The following HYDIN variants were observed in gnomAD, a reference collection of about 807,000 sequenced individuals.
The protein encoded by HYDIN is HYDIN axonemal central pair apparatus protein, also known as axonemal central pair apparatus protein HYDIN.
HYDIN carries 132 observed loss-of-function variants against 403.9 expected under a neutral mutation model. The ratio of observed to expected loss-of-function variants is 0.33; its 90% CI spans 0.28 to 0.38. The LOEUF (loss-of-function observed/expected upper bound fraction) is 0.38. Ranked by LOEUF, HYDIN falls within the 10% of genes least tolerant of loss-of-function variation. The pLI is 1.00. For missense variants in HYDIN, 2,827 were observed against 5,009.5 expected (o/e 0.56, Z 13.15); for synonymous variants, 1,202 against 1,891.7 (o/e 0.64, Z 9.46).
At chr16:71,006,923 A>G (rs925760439) in intron 23 of HYDIN, among the ~76,000 whole-genome samples, 2 of 152,030 alleles carry the variant, frequency 1.3e-5, no homozygotes, top group African/African-American at 4.8e-5. Context: ...CATTCAGCTT[A>G]TAAACTCTTG....
At chr16:70,809,152 C>T (rs1184153141) in intron 85 of HYDIN, among the ~76,000 whole-genome samples, 1 of 152,168 alleles carries the variant, frequency 6.6e-6, no homozygotes, top group Non-Finnish European at 1.5e-5. Context: ...CTGGCTATAG[C>T]GATCTTCCCA....
At chr16:71,156,094 CA>C (rs2085754908) in intron 6 of HYDIN, among the ~76,000 whole-genome samples, 1 of 147,724 alleles carries the variant, frequency 6.8e-6, no homozygotes, top group South Asian at 2.2e-4. Flanking sequence ...TTCTTGGTAG[CA>C]AAAGAATAGT....
At chr16:71,046,562 G>T (rs1301249710) in intron 18 of HYDIN, among the ~76,000 whole-genome samples, 2 of 152,026 alleles carry the variant, frequency 1.3e-5, no homozygotes, top group African/African-American at 4.8e-5. Context: ...ATTAAAAGAA[G>T]ACATACTCCA....
chr16:71,051,850 A>G (rs2081661854), intron 18 of HYDIN, among the ~76,000 whole-genome samples: 1 of 152,204 alleles, frequency 6.6e-6, no homozygotes, highest in East Asian at 1.9e-4. Flanking sequence ...AGAATTAATG[A>G]AGAGATGTGT....
intron 23 of HYDIN, among the ~76,000 whole-genome samples, chr16:70,992,974 C>T (rs1397550133): frequency 6.6e-6 from 1 of 152,204 alleles, no homozygotes; most frequent in East Asian, 1.9e-4. Flanking sequence ...TGACCCTCCC[C>T]AACCTATCTC....
At chr16:70,982,014 G>C (rs1445042490) in intron 28 of HYDIN, among the ~76,000 whole-genome samples, 1 of 151,074 alleles carries the variant, frequency 6.6e-6, no homozygotes, top group Non-Finnish European at 1.5e-5. Context: ...TGTAGTCCCA[G>C]CTACTCGGGA....
chr16:70,985,534 A>G (rs2079166453), intron 27 of HYDIN, among the ~76,000 whole-genome samples: 1 of 152,172 alleles, frequency 6.6e-6, no homozygotes, highest in Non-Finnish European at 1.5e-5. Flanking sequence ...CAGTTTAGGT[A>G]TGGCTGTGGG....
chr16:70,833,160 G>C, intron 79 of HYDIN, 93 bp from the exon 80 acceptor site: 2 of 1,146,450 alleles, frequency 1.7e-6, no homozygotes, highest in Non-Finnish European at 2.4e-6. Flanking sequence ...CCTAGGCTGA[G>C]GTTCACCTCC....
At chr16:70,928,712 A>T (rs562701877) in intron 45 of HYDIN, among the ~76,000 whole-genome samples, 1 of 125,494 alleles carries the variant, frequency 8.0e-6, no homozygotes, top group South Asian at 3.3e-4. Flanking sequence ...AAATATAAAC[A>T]TAAAGGTAAA....
chr16:70,992,006 A>G, intron 24 of HYDIN, 64 bp downstream of exon 24: 1 of 1,607,702 alleles, frequency 6.2e-7, no homozygotes, highest in East Asian at 2.2e-5. Flanking sequence ...GAGTATTGAG[A>G]ATGTAAGTCC....
chr16:71,168,870 A>G (rs1233709862), intron 5 of HYDIN, among the ~76,000 whole-genome samples: 1 of 152,226 alleles, frequency 6.6e-6, no homozygotes, highest in Non-Finnish European at 1.5e-5. Flanking sequence ...AGAAATGTCC[A>G]ATCAAAATTT....
chr16:71,168,098 G>A (rs1216577798), intron 5 of HYDIN, among the ~76,000 whole-genome samples: 33 of 151,966 alleles, frequency 2.2e-4, no homozygotes, highest in Non-Finnish European at 4.3e-4. Context: ...TGGGTGGATC[G>A]CCTGAGGTCA....
chr16:70,981,851 G>T lies in HYDIN; in HGVS notation c.4333-283C>A, dbSNP rs560344413. Among the ~76,000 whole-genome samples the T allele has an allele frequency of 2.0e-5, 3 of 151,466 alleles. No individual in the cohort carries two copies. The East Asian group carries it at 5.8e-4, about 29-fold the overall frequency. On this transcript the variant is annotated intron_variant, in intron 28 of 85. Transcript: ENST00000393567. ...ATGTAAAAAGAAAAATGGTTCGGCC[G>T]GGCCTGGTGGCTCACGCCTGTAATC...
intron 1 of HYDIN, among the ~76,000 whole-genome samples, chr16:71,206,753 A>G (rs2144720995): frequency 6.6e-6 from 1 of 152,376 alleles, no homozygotes; most frequent in Admixed American, 6.5e-5. Flanking sequence ...GAGCTGAAAA[A>G]CACATTACAA....
At chr16:71,204,621 G>A (rs973502847) in intron 1 of HYDIN, among the ~76,000 whole-genome samples, 16 of 152,182 alleles carry the variant, frequency 1.1e-4, no homozygotes, top group African/African-American at 3.9e-4. Context: ...ATTCAGTAAT[G>A]AAAACCAATG....
rs769185354 is a variant in HYDIN at position 70,981,437 on chromosome 16, C to T, written c.4464G>A (p.Glu1488=). The change falls in exon 29 of 86, where the codon GAG becomes GAA. Residue 1488 remains glutamate (E), a synonymous_variant. Coordinates refer to ENST00000393567, the MANE Select transcript of HYDIN (RefSeq NM_001270974.2). ...LDPENITLSG[E]GIFPQICLDL... is the part of the protein sequence containing the mutation. ...CGAGGCAGATTTGGGGAAAGATTCC[C>T]TCTCCGCTCAGAGTGATATTTTCTG... 9 of 1,613,512 alleles carry T rather than the reference C, an allele frequency of 5.6e-6. No homozygotes were observed. The highest frequency in any genetic ancestry group is 4.5e-5 in the East Asian group (2 of 44,868).
At chr16:71,007,450 T>C in intron 23 of HYDIN, among the ~76,000 whole-genome samples, 1 of 152,164 alleles carries the variant, frequency 6.6e-6, no homozygotes, top group Non-Finnish European at 1.5e-5. Flanking sequence ...TGGGCTTTGA[T>C]ATGTCAGTAG....
Position 70,802,962 on chromosome 16 carries a change from T to C in HYDIN, c.*4618A>G, listed in dbSNP as rs1341474926. On this transcript the variant is annotated 3_prime_UTR_variant, in exon 86 of 86. Coordinates refer to ENST00000393567, the MANE Select transcript of HYDIN (RefSeq NM_001270974.2). ...AAGTTTGGTTTTAGGATTTTGATGA[T>C]GGTTGATGAAAAACACTGAAAAAAT... 6.6e-6 allele frequency: 1 copy of C among 152,198 alleles called. No individual in the cohort carries two copies. Among genetic ancestry groups the C allele is most frequent in the African/African-American group, 2.4e-5 (1 of 41,454 alleles). The allele number at this position is 152,198 out of a possible 1,614,324, so 9.4% of individuals were successfully genotyped here.
At chr16:70,913,110 CT>C (rs111486976) in intron 47 of HYDIN, among the ~76,000 whole-genome samples, 59 of 146,254 alleles carry the variant, frequency 4.0e-4, no homozygotes, top group African/African-American at 4.0e-4. Flanking sequence ...TTTCGTATTG[CT>C]TTTTTTTTTG....
Sources: gnomAD v4.1 joint callset for allele counts (sites outside exome capture counted in the v4.1 genomes callset) on GRCh38, gnomAD v4.1.1 for gene constraint, MANE v1.5 for transcripts, NCBI Gene and HGNC (gene_info 2026-07-23, HGNC 2026-07-21) for gene names.